The following DPYD variants were observed in gnomAD, a reference collection of about 807,000 sequenced individuals.
The protein encoded by DPYD is dihydropyrimidine dehydrogenase.
Under a neutral mutation model 116.2 loss-of-function variants are expected in DPYD, and 109 were observed. The observed-to-expected ratio is 0.94, with a 90% CI of 0.80 to 1.10. The LOEUF (loss-of-function observed/expected upper bound fraction) is 1.10. Among genes scored for constraint, DPYD ranks in the 50% least tolerant of loss-of-function variants. The pLI is 0.00. For missense variants in DPYD, 1,302 were observed against 1,254.5 expected, an observed-to-expected ratio of 1.04 and a Z score of -0.57; for synonymous variants, 440 against 432.0, an observed-to-expected ratio of 1.02 and a Z score of -0.23.
At chr1:97,232,452 A>G (rs1262123077) in intron 19 of DPYD, among the ~76,000 whole-genome samples, 2 of 152,144 alleles carry the variant, frequency 1.3e-5, no homozygotes, top group African/African-American at 4.8e-5. Flanking sequence ...TTTTGCAAAA[A>G]TTGGAATATT....
intron 13 of DPYD, among the ~76,000 whole-genome samples, chr1:97,467,852 G>T (rs1249988403): frequency 6.6e-6 from 1 of 152,114 alleles, no homozygotes. Flanking sequence ...AGGGATATCT[G>T]AACCCACAAT....
intron 3 of DPYD, among the ~76,000 whole-genome samples, chr1:97,798,768 A>G (rs1283615855): frequency 1.3e-5 from 2 of 152,172 alleles, no homozygotes; most frequent in African/African-American, 2.4e-5. Context: ...AAATGCATCT[A>G]AAGTATTTTT....
At chr1:97,562,711 T>C (rs796727070) in intron 11 of DPYD, among the ~76,000 whole-genome samples, 10 of 152,248 alleles carry the variant, frequency 6.6e-5, no homozygotes, top group African/African-American at 2.2e-4. Context: ...CAATAGCATA[T>C]ATGCAGATCA....
intron 3 of DPYD, among the ~76,000 whole-genome samples, chr1:97,801,464 TGA>T (rs1287187685): frequency 6.6e-6 from 1 of 151,906 alleles, no homozygotes; most frequent in African/African-American, 2.4e-5. Flanking sequence ...TATATTTTAC[TGA>T]GAGAGATGCA....
chr1:97,406,828 A>G (rs1165051058), intron 14 of DPYD, among the ~76,000 whole-genome samples: 4 of 152,100 alleles, frequency 2.6e-5, no homozygotes, highest in Non-Finnish European at 4.4e-5. Context: ...ATCACTTTTG[A>G]GCTCTCATTG....
intron 3 of DPYD, among the ~76,000 whole-genome samples, chr1:97,769,467 A>G (rs2101154740): frequency 6.6e-6 from 1 of 152,232 alleles, no homozygotes; most frequent in Non-Finnish European, 1.5e-5. Context: ...TTTCATTTTA[A>G]ATAATTATAA....
intron 8 of DPYD, among the ~76,000 whole-genome samples, chr1:97,675,251 T>C (rs1294866384): frequency 6.6e-6 from 1 of 152,178 alleles, no homozygotes; most frequent in Non-Finnish European, 1.5e-5. Flanking sequence ...CCTTGTATAG[T>C]AGATGTTCCA....
At chr1:97,183,147 A>G (rs190916668) in intron 20 of DPYD, among the ~76,000 whole-genome samples, 69 of 152,128 alleles carry the variant, frequency 4.5e-4, no homozygotes, top group African/African-American at 1.5e-3. Flanking sequence ...TTTGCTTTTA[A>G]AAATGTACAG....
intron 13 of DPYD, among the ~76,000 whole-genome samples, chr1:97,489,366 A>G (rs140578680): frequency 0.012 from 1,880 of 152,334 alleles, 22 homozygotes; most frequent in Middle Eastern, 0.024. Context: ...TTGACCAGCC[A>G]TGCTCATCTA....
intron 20 of DPYD, among the ~76,000 whole-genome samples, chr1:97,141,395 C>T (rs1005259038): frequency 3.9e-5 from 6 of 152,140 alleles, no homozygotes; most frequent in Non-Finnish European, 5.9e-5. Flanking sequence ...ACACCCTACT[C>T]TTGGCTGATC....
chr1:97,454,797 A>G (rs1176182677), intron 13 of DPYD, among the ~76,000 whole-genome samples: 2 of 151,898 alleles, frequency 1.3e-5, no homozygotes, highest in Non-Finnish European at 2.9e-5. Context: ...CTGAATTAAA[A>G]CAGTCACAAT....
In DPYD at chr1:97,484,411, G is replaced by C. The variant is rs758507619; in HGVS notation, c.1740+31315C>G. 2.6e-4 allele frequency among the ~76,000 whole-genome samples: 39 copies of C among 152,138 alleles called. 1 individual carries two copies. The highest frequency in any genetic ancestry group is 5.1e-4 in the Non-Finnish European group (35 of 68,030). On this transcript the variant is annotated intron_variant, in intron 13 of 22. Coordinates refer to ENST00000370192, the MANE Select transcript of DPYD (RefSeq NM_000110.4). Reference sequence around the variant, plus strand: ...TGGGTTTTTGCTTTCTTTATAGATGGCTTGCTTATTTTCACTCTAGAATTT... The same window carrying C: ...TGGGTTTTTGCTTTCTTTATAGATGCCTTGCTTATTTTCACTCTAGAATTT...
At chr1:97,531,903 TA>T (rs1649654599) in intron 12 of DPYD, among the ~76,000 whole-genome samples, 1 of 152,118 alleles carries the variant, frequency 6.6e-6, no homozygotes, top group African/African-American at 2.4e-5. Flanking sequence ...ATTTTTTTCT[TA>T]ATTTTTTGGA....
intron 21 of DPYD, among the ~76,000 whole-genome samples, chr1:97,093,885 G>C (rs1344011183): frequency 6.6e-6 from 1 of 151,816 alleles, no homozygotes; most frequent in African/African-American, 2.4e-5. Flanking sequence ...TTAATATATT[G>C]TTTAGACTCC....
At chr1:97,620,618 A>G (rs1052744715) in intron 8 of DPYD, among the ~76,000 whole-genome samples, 1 of 152,194 alleles carries the variant, frequency 6.6e-6, no homozygotes, top group Non-Finnish European at 1.5e-5. Flanking sequence ...ATTTCAGTGA[A>G]GTTTCAGATA....
chr1:97,181,686 A>T (rs1487981795), intron 20 of DPYD, among the ~76,000 whole-genome samples: 2 of 152,090 alleles, frequency 1.3e-5, no homozygotes, highest in Non-Finnish European at 2.9e-5. Context: ...GAAGGAATCA[A>T]CTCATAAAGT....
intron 12 of DPYD, among the ~76,000 whole-genome samples, chr1:97,537,957 C>T (rs1266876696): frequency 6.6e-6 from 1 of 151,944 alleles, no homozygotes; most frequent in Non-Finnish European, 1.5e-5. Context: ...ATCCCAGCTA[C>T]TTGGGAGGCT....
chr1:97,759,924 C>G (rs775467049), intron 3 of DPYD, among the ~76,000 whole-genome samples: 1 of 151,940 alleles, frequency 6.6e-6, no homozygotes, highest in Admixed American at 6.6e-5. Context: ...ATATATGGGA[C>G]GTGATAAACT....
chr1:97,320,297 C>T (rs1273245553), intron 16 of DPYD, among the ~76,000 whole-genome samples: 1 of 138,170 alleles, frequency 7.2e-6, no homozygotes, highest in Non-Finnish European at 1.6e-5. Context: ...CAAATTGTCC[C>T]TGTTTGCAGA....
Sources: allele counts gnomAD v4.1 joint callset (sites outside exome capture counted in the v4.1 genomes callset), GRCh38; gene constraint gnomAD v4.1.1; transcripts MANE v1.5; gene names NCBI Gene and HGNC (gene_info 2026-07-23, HGNC 2026-07-21).